CEP57L1: variants seen among roughly 807,000 people sequenced by gnomAD.
CEP57L1 encodes the protein centrosomal protein CEP57L1.
Under a neutral mutation model 61.0 loss-of-function variants are expected in CEP57L1, and 37 were observed. The ratio of observed to expected loss-of-function variants is 0.61; its 90% CI spans 0.47 to 0.80. CEP57L1 has a LOEUF of 0.80. CEP57L1 is among the 30% of genes least tolerant of loss of function. The probability of loss-of-function intolerance (pLI) is 0.00; values close to 1 mark genes in which losing one functional copy is unlikely to be tolerated. For missense variants in CEP57L1, 422 were observed against 524.7 expected (o/e 0.80, Z 1.91); for synonymous variants, 137 against 162.3 (o/e 0.84, Z 1.19).
intron 3 of CEP57L1, among the ~76,000 whole-genome samples, chr6:109,148,746 G>GT (rs1433193584): frequency 6.6e-6 from 1 of 152,126 alleles, no homozygotes; most frequent in Non-Finnish European, 1.5e-5. Context: ...CAATGTAAAA[G>GT]TGTTCCTATT....
At chr6:109,158,837 A>C in intron 7 of CEP57L1, 188 bp from the exon 8 acceptor site, 1 of 613,522 alleles carries the variant, frequency 1.6e-6, no homozygotes, top group East Asian at 2.8e-5. Context: ...TCGCATTTCC[A>C]TAATTAATGA....
rs916727367 is a variant in CEP57L1, at chr6:109,173,093, T to G, written c.*10123T>G. Among the ~76,000 whole-genome samples the G allele has an allele frequency of 4.6e-5, 7 of 152,346 alleles. No homozygotes were observed. The highest frequency in any genetic ancestry group is 1.7e-4 in the African/African-American group (7 of 41,590). ...CTGGTAGGAAGGAGAACATGTTTTTTTTGAACCTATGCAAATAGCCACATG... is the reference window on the plus strand; with the variant it reads ...CTGGTAGGAAGGAGAACATGTTTTTGTTGAACCTATGCAAATAGCCACATG... On this transcript the variant is annotated 3_prime_UTR_variant, in exon 11 of 11. Transcript: ENST00000517392.
intron 1 of CEP57L1, among the ~76,000 whole-genome samples, chr6:109,099,898 C>T (rs1044970275): frequency 6.6e-6 from 1 of 152,184 alleles, no homozygotes; most frequent in Non-Finnish European, 1.5e-5. Flanking sequence ...ATGGATGCAG[C>T]ACTCTTTTAC....
At chr6:109,128,379 T>C (rs1480154348) in intron 1 of CEP57L1, among the ~76,000 whole-genome samples, 3 of 152,208 alleles carry the variant, frequency 2.0e-5, no homozygotes, top group African/African-American at 7.2e-5. Flanking sequence ...ATTCGTAAGT[T>C]CTTTTGATTA....
chr6:109,127,917 T>C (rs901979613), intron 1 of CEP57L1, among the ~76,000 whole-genome samples: 3 of 152,016 alleles, frequency 2.0e-5, no homozygotes, highest in Non-Finnish European at 4.4e-5. Flanking sequence ...CATGAGCCAC[T>C]GCGGCCGACC....
intron 3 of CEP57L1, among the ~76,000 whole-genome samples, chr6:109,149,310 A>G (rs890152735): frequency 4.6e-5 from 7 of 152,190 alleles, no homozygotes; most frequent in Admixed American, 1.3e-4. Flanking sequence ...GGTGTAAGGA[A>G]GGGATCCAGT....
At chr6:109,151,689 A>G (rs1032525559) in intron 4 of CEP57L1, among the ~76,000 whole-genome samples, 4 of 152,178 alleles carry the variant, frequency 2.6e-5, no homozygotes, top group African/African-American at 9.6e-5. Context: ...GAAGGAAAAT[A>G]TCAGAATGCT....
At chr6:109,100,975 C>T (rs1168605515) in intron 1 of CEP57L1, among the ~76,000 whole-genome samples, 2 of 151,826 alleles carry the variant, frequency 1.3e-5, no homozygotes, top group Non-Finnish European at 2.9e-5. Context: ...GGCATCATGG[C>T]ACACGCCTCT....
rs539866829 is a variant in CEP57L1, at chr6:109,156,076, A to G, written c.744+199A>G. 332 of 394,416 alleles carry G rather than the reference A, an allele frequency of 8.4e-4. 2 individuals are homozygous for G. The highest frequency in any genetic ancestry group is 3.9e-4 in the Non-Finnish European group (86 of 218,822). The allele number at this position is 394,416 out of a possible 1,614,324, so 24.4% of individuals were successfully genotyped here. A position where few individuals can be genotyped will look rare whatever the true frequency, so the allele number is the denominator to read the frequency against. On this transcript the variant is annotated intron_variant, in intron 7 of 10. Transcript: ENST00000517392. ...TCATAAGATTCAGGTTAAAAAAAGT[A>G]GCAGCAGTCATGTACAAAATTTAGC... is the stretch of plus-strand genomic sequence containing the variant.
chr6:109,111,751 A>G (rs960917452), intron 1 of CEP57L1, among the ~76,000 whole-genome samples: 2 of 152,170 alleles, frequency 1.3e-5, no homozygotes, highest in African/African-American at 4.8e-5. Context: ...GAATTTTGTC[A>G]AAGGCCTTTC....
intron 1 of CEP57L1, among the ~76,000 whole-genome samples, chr6:109,129,014 C>T (rs1271024351): frequency 6.6e-6 from 1 of 152,062 alleles, no homozygotes; most frequent in East Asian, 1.9e-4. Flanking sequence ...GCCTGGCCAA[C>T]ATGGTGAAAC....
In CEP57L1 at chr6:109,159,090, T is replaced by A. The variant is rs771896289; in HGVS notation, c.810T>A (p.Phe270Leu). The A allele has an allele frequency of 3.2e-5, 51 of 1,613,956 alleles. No homozygotes were observed. The highest frequency in any genetic ancestry group is 4.2e-5 in the Non-Finnish European group (50 of 1,179,964). The part of the protein sequence containing the change: ...QICSKFGALP[F>L]VAEKMRQHRD... The stretch of plus-strand genomic sequence containing the variant: ...GTTCAAAGTTTGGAGCACTGCCTTT[T>A]GTGGCTGAAAAGGTGAGAGGGGATA... The change falls in exon 8 of 11, where the codon TTT becomes TTA. Residue 270 changes from phenylalanine (F) to leucine (L), a missense_variant. Transcript: ENST00000517392.
intron 1 of CEP57L1, among the ~76,000 whole-genome samples, chr6:109,128,765 A>C (rs779079453): frequency 6.6e-6 from 1 of 152,200 alleles, no homozygotes; most frequent in South Asian, 2.1e-4. Flanking sequence ...ATGATTATAC[A>C]TTCTGTCTTC....
chr6:109,152,117 C>T (rs2114911501), intron 4 of CEP57L1, among the ~76,000 whole-genome samples: 1 of 152,248 alleles, frequency 6.6e-6, no homozygotes, highest in Middle Eastern at 3.4e-3. Context: ...TATTAAACCA[C>T]AGGTTACCAA....
At chr6:109,115,490 T>C (rs974209405) in intron 1 of CEP57L1, among the ~76,000 whole-genome samples, 3 of 152,230 alleles carry the variant, frequency 2.0e-5, no homozygotes, top group Non-Finnish European at 4.4e-5. Flanking sequence ...ATCTATGTGC[T>C]ATCAGTAGTT....
chr6:109,127,701 A>G (rs1000410915), intron 1 of CEP57L1, among the ~76,000 whole-genome samples: 1 of 150,704 alleles, frequency 6.6e-6, no homozygotes, highest in Non-Finnish European at 1.5e-5. Flanking sequence ...GCTTGCTGCA[A>G]CCTCCGCCTC....
At position 109,113,080 on chromosome 6, in the gene CEP57L1, C is replaced by T. The variant is rs954774683; in HGVS notation, c.-4+17505C>T. 2.0e-5 allele frequency among the ~76,000 whole-genome samples: 3 copies of T among 151,894 alleles called. No homozygotes were observed. The South Asian group carries it at 6.2e-4, about 32-fold the overall frequency. ...TGAATATCCTTGTTAATTGTCTATC[C>T]CGTTGATCTGTCTAACATGAAGGTG... On this transcript the variant is annotated intron_variant, in intron 1 of 10. Transcript: ENST00000517392.
chr6:109,096,622 A>G lies in CEP57L1; in HGVS notation c.-4+1047A>G, dbSNP rs151193618. ...GAGACAGGTATTGTGAATTCTTTAC[A>G]TCGTTTCTGTAAGTGAGCTATTTTT... On this transcript the variant is annotated intron_variant, in intron 1 of 10. Coordinates refer to ENST00000517392, the MANE Select transcript of CEP57L1 (RefSeq NM_001271852.3). 1.1e-3 allele frequency among the ~76,000 whole-genome samples: 163 copies of G among 152,342 alleles called. 1 individual carries two copies. The highest frequency in any genetic ancestry group is 3.5e-3 in the African/African-American group (147 of 41,572).
Position 109,171,518 on chromosome 6 carries a change from T to C in CEP57L1, c.*8548T>C, listed in dbSNP as rs1212916629. On this transcript the variant is annotated 3_prime_UTR_variant, in exon 11 of 11. Transcript: ENST00000517392. The stretch of plus-strand genomic sequence containing the variant: ...CCTCAGCCTCCCAAAGTGCTGGGAT[T>C]ACAGGTGTGAGCCACCGCGCCCTGC... 1.3e-5 allele frequency among the ~76,000 whole-genome samples: 2 copies of C among 152,106 alleles called. No homozygotes were observed. The highest frequency in any genetic ancestry group is 2.9e-5 in the Non-Finnish European group (2 of 68,034).
Sources: allele counts gnomAD v4.1 joint callset (sites outside exome capture counted in the v4.1 genomes callset), GRCh38; gene constraint gnomAD v4.1.1; transcripts MANE v1.5; gene names NCBI Gene and HGNC (gene_info 2026-07-23, HGNC 2026-07-21).